Variants in TUSC3 observed in about 807,000 individuals in gnomAD.
TUSC3 encodes the protein dolichyl-diphosphooligosaccharide--protein glycosyltransferase subunit TUSC3.
In TUSC3, 45 loss-of-function variants were observed where a neutral mutation model predicts 44.8. The ratio of observed to expected loss-of-function variants is 1.00; its 90% CI spans 0.79 to 1.29. The LOEUF (loss-of-function observed/expected upper bound fraction) is 1.29, where lower values mean the gene tolerates loss of function less well. Among genes scored for constraint, TUSC3 ranks in the 50% most tolerant of loss-of-function variants. TUSC3 has a pLI of 0.00. For missense variants in TUSC3, 519 were observed against 437.9 expected (o/e 1.19, Z -1.65); for synonymous variants, 212 against 152.9 (o/e 1.39, Z -2.85).
At chr8:15,529,814 G>A (rs1403037097) in intron 2 of TUSC3, among the ~76,000 whole-genome samples, 3 of 108,418 alleles carry the variant, frequency 2.8e-5, no homozygotes, top group African/African-American at 7.8e-5. Context: ...TTTTTGAGAC[G>A]GAGTCTCGCT....
At chr8:15,624,152 A>G (rs1805385385) in intron 2 of TUSC3, among the ~76,000 whole-genome samples, 1 of 152,186 alleles carries the variant, frequency 6.6e-6, no homozygotes, top group Non-Finnish European at 1.5e-5. Context: ...ATTTATCAAT[A>G]ATTATTTTTT....
intron 2 of TUSC3, among the ~76,000 whole-genome samples, chr8:15,490,416 C>T (rs1413795683): frequency 6.6e-6 from 1 of 152,144 alleles, no homozygotes; most frequent in Non-Finnish European, 1.5e-5. Flanking sequence ...CCTGTTTCCC[C>T]ACCACCACCA....
At chr8:15,548,879 G>T (rs191074093) in intron 1 of TUSC3, among the ~76,000 whole-genome samples, 1 of 151,762 alleles carries the variant, frequency 6.6e-6, no homozygotes, top group African/African-American at 2.4e-5. Context: ...GGTACATGTA[G>T]CCCTCCCTGA....
At chr8:15,510,172 C>A (rs1228346745) in intron 2 of TUSC3, among the ~76,000 whole-genome samples, 1 of 151,982 alleles carries the variant, frequency 6.6e-6, no homozygotes, top group Non-Finnish European at 1.5e-5. Flanking sequence ...TAGATTAATA[C>A]ATTTGCAAAT....
chr8:15,551,668 A>G (rs937848782), intron 1 of TUSC3, among the ~76,000 whole-genome samples: 2 of 151,804 alleles, frequency 1.3e-5, no homozygotes, highest in Non-Finnish European at 1.5e-5. Context: ...ATACCACAGT[A>G]ACTCAGGAGA....
At position 15,527,790 on chromosome 8, in the gene TUSC3, A is replaced by C. The variant is rs568146839; in HGVS notation, n.189+44307A>C. ...AACTAAGCACTAGTTACTGATTATCAATAGACAAAATAAGCTCTTCACTTA... is the reference window on the plus strand; with the variant it reads ...AACTAAGCACTAGTTACTGATTATCCATAGACAAAATAAGCTCTTCACTTA... On this transcript the variant is annotated intron_variant and non_coding_transcript_variant, in intron 2 of 5. Transcript: ENST00000503191. 2.0e-5 allele frequency among the ~76,000 whole-genome samples: 3 copies of C among 152,318 alleles called. No homozygotes were observed. In the East Asian group the frequency reaches 5.8e-4, roughly 29 times the overall value.
chr8:15,434,683 G>A lies in TUSC3; in HGVS notation n.91+17378G>A, dbSNP rs576782145. On this transcript the variant is annotated intron_variant and non_coding_transcript_variant, in intron 1 of 5. Transcript: ENST00000503191. ...TCTCCTAATGCTATCCCTCCCCCACGACTTCCCCCACCCCACAACAGGCCC... is the reference window on the plus strand; with the variant it reads ...TCTCCTAATGCTATCCCTCCCCCACAACTTCCCCCACCCCACAACAGGCCC... Among the ~76,000 whole-genome samples, 17 of 148,806 alleles carry A rather than the reference G, an allele frequency of 1.1e-4. 1 individual carries two copies. Among genetic ancestry groups the A allele is most frequent in the South Asian group, 1.1e-3 (5 of 4,670 alleles).
rs147449054 is a variant in TUSC3, at chr8:15,631,266, G to A, written c.308+8017G>A. On this transcript the variant is annotated intron_variant, in intron 2 of 10. Coordinates refer to ENST00000503731, the MANE Select transcript of TUSC3 (RefSeq NM_006765.4). ...ATTTTTTACATTGAAGGCATATGACGTAACTTTAGTGTGTTAACTTTCTTC... is the reference window on the plus strand; with the variant it reads ...ATTTTTTACATTGAAGGCATATGACATAACTTTAGTGTGTTAACTTTCTTC... Among the ~76,000 whole-genome samples the A allele has an allele frequency of 2.7e-3, 414 of 152,284 alleles. 3 individuals are homozygous for A. The highest frequency in any genetic ancestry group is 9.6e-3 in the African/African-American group (398 of 41,582).
At chr8:15,531,105 C>T (rs1225408225) in intron 2 of TUSC3, among the ~76,000 whole-genome samples, 1 of 152,120 alleles carries the variant, frequency 6.6e-6, no homozygotes, top group Non-Finnish European at 1.5e-5. Flanking sequence ...GCAGCTTACC[C>T]TAAGGGAAGA....
intron 7 of TUSC3, among the ~76,000 whole-genome samples, chr8:15,738,000 G>T (rs1323155253): frequency 1.9e-4 from 29 of 152,096 alleles, no homozygotes; most frequent in Non-Finnish European, 4.4e-5. Context: ...AAGGCCTTGA[G>T]TTAAAAAATG....
At chr8:15,839,549 A>C in the TUSC3 span, among the ~76,000 whole-genome samples, 1 of 152,202 alleles carries the variant, frequency 6.6e-6, no homozygotes, top group Non-Finnish European at 1.5e-5. Context: ...AAACGACCCC[A>C]TCAACAAGTG....
At chr8:15,749,666 C>A (rs1811606451) in intron 9 of TUSC3, among the ~76,000 whole-genome samples, 1 of 151,198 alleles carries the variant, frequency 6.6e-6, no homozygotes, top group African/African-American at 2.4e-5. Context: ...AGAGAGCCAG[C>A]CAATTTTGGT....
chr8:15,469,698 A>T (rs748412844), intron 1 of TUSC3, among the ~76,000 whole-genome samples: 1 of 152,242 alleles, frequency 6.6e-6, no homozygotes, highest in Non-Finnish European at 1.5e-5. Context: ...CTGCACACAG[A>T]TGTTTATAGC....
At chr8:15,697,895 G>T (rs974308915) in intron 6 of TUSC3, among the ~76,000 whole-genome samples, 1 of 152,114 alleles carries the variant, frequency 6.6e-6, no homozygotes, top group Non-Finnish European at 1.5e-5. Flanking sequence ...AACAATATCA[G>T]TATTTAGTCT....
Position 15,445,251 on chromosome 8 carries a change from C to G in TUSC3, n.91+27946C>G, listed in dbSNP as rs549938858. ...CAATAGTTTGAGAATAAGGAGAAAA[C>G]TATCATCTCTTCTGGGTCTCCAGGA... On this transcript the variant is annotated intron_variant and non_coding_transcript_variant, in intron 1 of 5. Coordinates refer to the TUSC3 transcript ENST00000503191. Among the ~76,000 whole-genome samples, 17 of 151,962 alleles carry G rather than the reference C, an allele frequency of 1.1e-4. No individual in the cohort carries two copies. In the South Asian group the frequency reaches 3.3e-3, roughly 30 times the overall value.
chr8:15,481,754 C>T (rs922438689), intron 1 of TUSC3, among the ~76,000 whole-genome samples: 5 of 152,086 alleles, frequency 3.3e-5, no homozygotes, highest in Non-Finnish European at 7.4e-5. Context: ...AAAATGCTAA[C>T]AATTACGTGA....
the TUSC3 span, among the ~76,000 whole-genome samples, chr8:15,791,275 C>G: frequency 1.6e-5 from 2 of 128,888 alleles, no homozygotes; most frequent in South Asian, 2.3e-4. Flanking sequence ...TAGCGCCCCC[C>G]CCAACCCACG....
chr8:15,539,486 G>A (rs572445463), upstream of TUSC3, among the ~76,000 whole-genome samples: 3 of 150,582 alleles, frequency 2.0e-5, no homozygotes, highest in East Asian at 6.0e-4. Flanking sequence ...CCAAGTAGAG[G>A]AACTGCAAGG....
the TUSC3 span, among the ~76,000 whole-genome samples, chr8:15,823,189 G>C: frequency 1.3e-5 from 2 of 152,132 alleles, no homozygotes; most frequent in Non-Finnish European, 2.9e-5. Flanking sequence ...CCTGTTTAAT[G>C]CTAGCTCTGT....
Sources: allele counts gnomAD v4.1 joint callset (sites outside exome capture counted in the v4.1 genomes callset), GRCh38; gene constraint gnomAD v4.1.1; transcripts MANE v1.5; gene names NCBI Gene and HGNC (gene_info 2026-07-23, HGNC 2026-07-21).